PSMC3: variants seen among roughly 807,000 people sequenced by gnomAD.
PSMC3 encodes the protein 26S proteasome regulatory subunit 6A.
In PSMC3, 11 loss-of-function variants were observed where a neutral mutation model predicts 52.0. The observed-to-expected ratio is 0.21, with a 90% CI of 0.13 to 0.35. The LOEUF is 0.35. Ranked by LOEUF, PSMC3 falls within the 10% of genes least tolerant of loss-of-function variation. The pLI, the probability that PSMC3 is intolerant of heterozygous loss-of-function variation, is 1.00. For synonymous variants in PSMC3, 201 were observed against 218.8 expected (o/e 0.92, Z 0.72); for missense variants, 238 against 567.1 (o/e 0.42, Z 5.89).
rs1446010432 is a variant in PSMC3 at position 47,420,790 on chromosome 11, C to T, written c.885-63G>A. ...AGCTTAGGCAGAGCCCTCCCCTCCT[C>T]TACCCCCTGGAAGCCTAACCTAACC... On this transcript the variant is annotated intron_variant, in intron 8 of 11. Transcript: ENST00000298852. 2.7e-6 allele frequency: 4 copies of T among 1,461,490 alleles called. No individual in the cohort carries two copies. The Admixed American group carries it at 5.9e-5, about 22-fold the overall frequency. 90.5% of individuals were successfully genotyped at this position (1,461,490 alleles called of 1,614,324 possible).
At chr11:47,420,107 G>A (rs966418998) in intron 10 of PSMC3, among the ~76,000 whole-genome samples, 157 bp downstream of exon 10, 1 of 152,176 alleles carries the variant, frequency 6.6e-6, no homozygotes, top group Non-Finnish European at 1.5e-5. Flanking sequence ...CACAACTGAG[G>A]AGAAACGGAG....
At position 47,419,108 on chromosome 11, in the gene PSMC3, C is replaced by T; in HGVS notation, c.1209+8G>A. On this transcript the variant is annotated splice_region_variant and intron_variant, in intron 11 of 11. Transcript: ENST00000298852. ...AAAGCAACGCACCCACCCCAGCTGA[C>T]CACTCACCGCCTCCACACACACAGC... 1 of 1,614,146 alleles carries T rather than the reference C, an allele frequency of 6.2e-7. No individual in the cohort carries two copies. The highest frequency in any genetic ancestry group is 8.5e-7 in the Non-Finnish European group (1 of 1,180,004).
At chr11:47,420,586 G>T in intron 9 of PSMC3, 45 bp downstream of exon 9, 1 of 1,534,674 alleles carries the variant, frequency 6.5e-7, no homozygotes, top group South Asian at 1.2e-5. Context: ...GACAGCTCCT[G>T]ACCTCTGAGC....
chr11:47,421,470 G>A (rs1334400543), intron 8 of PSMC3, among the ~76,000 whole-genome samples: 2 of 152,032 alleles, frequency 1.3e-5, no homozygotes, highest in Non-Finnish European at 2.9e-5. Flanking sequence ...CAACCAACCA[G>A]TGGAGAACAG....
intron 9 of PSMC3, 29 bp from the exon 10 acceptor site, chr11:47,420,438 G>C: frequency 6.2e-7 from 1 of 1,600,862 alleles, no homozygotes; most frequent in Non-Finnish European, 8.5e-7. Context: ...AACTTGAAAG[G>C]AGCAAGGTGT....
Position 47,424,633 on chromosome 11 carries a change from C to T in PSMC3, c.364G>A (p.Ala122Thr). The T allele has an allele frequency of 6.2e-7, 1 of 1,613,826 alleles. No homozygotes were observed. Among genetic ancestry groups the T allele is most frequent in the Non-Finnish European group, 8.5e-7 (1 of 1,179,716 alleles). The change falls in exon 4 of 12, where the codon GCT becomes ACT. Residue 122 changes from alanine to threonine, a missense_variant. By Grantham distance (58) the Ala-to-Thr change is moderately conservative. This residue lies in a region of PSMC3 where 21 missense variants were observed against 95.6 expected (regional missense o/e 0.22). Coordinates refer to ENST00000298852, the MANE Select transcript of PSMC3 (RefSeq NM_002804.5). The surrounding 1 kb of genome is among the most constrained non-coding windows in gnomAD (Gnocchi z 4.8). Reference protein sequence around the residue: ...DLDSQRKGKCAVIKTSTRQTY... With the variant: ...DLDSQRKGKCTVIKTSTRQTY... ...TGTCGTGTAGAGGTTTTGATCACAG[C>T]ACACTTGCCCTTCCTCTGGGAGTCC...
Position 47,418,775 on chromosome 11 carries a change from G to C in PSMC3, c.*60C>G. 3.4e-6 allele frequency: 5 copies of C among 1,472,922 alleles called. No individual in the cohort carries two copies. The highest frequency in any genetic ancestry group is 4.7e-6 in the Non-Finnish European group (5 of 1,060,260). 91.2% of individuals were successfully genotyped at this position (1,472,922 alleles called of 1,614,324 possible). On this transcript the variant is annotated 3_prime_UTR_variant, in exon 12 of 12. Transcript: ENST00000298852. ...GGGAAGGCAGACAAGCAGCGGCAGG[G>C]ACCCTAAACCATCTTTTATTGCGCA...
rs141858165 is a variant in PSMC3, at chr11:47,425,217, G to A, written c.189C>T (p.Thr63=). The change falls in exon 3 of 12, where the codon ACC becomes ACT. Residue 63 remains threonine, a synonymous_variant. Coordinates refer to ENST00000298852, the MANE Select transcript of PSMC3 (RefSeq NM_002804.5). Reference sequence around the variant, plus strand: ...TGTCCTTCATGGCTTGGAGCTCATGGGTGACTCTCAACACTTCACTCTTCA... The same window carrying A: ...TGTCCTTCATGGCTTGGAGCTCATGAGTGACTCTCAACACTTCACTCTTCA... ...KIMKSEVLRV[T]HELQAMKDKI... is the part of the protein sequence containing the mutation. 3.3e-5 allele frequency: 54 copies of A among 1,613,928 alleles called. No individual in the cohort carries two copies. Among genetic ancestry groups the A allele is most frequent in the Non-Finnish European group, 4.3e-5 (51 of 1,179,972 alleles).
rs80084197 is a variant in PSMC3 at position 47,425,412 on chromosome 11, G to A, written c.160-166C>T. The A allele has an allele frequency of 8.0e-3, 6,532 of 813,006 alleles. 315 individuals carry two copies. In the African/African-American group the frequency reaches 0.1, roughly 12 times the overall value. The allele number at this position is 813,006 out of a possible 1,614,324, so 50.4% of individuals were successfully genotyped here. A position where few individuals can be genotyped will look rare whatever the true frequency, so the allele number is the denominator to read the frequency against. Reference sequence around the variant, plus strand: ...CTGACTGTGTCCACATCCTGCAGAAGTCAAAAGAGGAGGCCAGTTTGGAAA... The same window carrying A: ...CTGACTGTGTCCACATCCTGCAGAAATCAAAAGAGGAGGCCAGTTTGGAAA... On this transcript the variant is annotated intron_variant, in intron 2 of 11. Transcript: ENST00000298852.
intron 8 of PSMC3, 141 bp from the exon 9 acceptor site, chr11:47,420,868 T>C (rs2096039679): frequency 3.1e-6 from 2 of 651,452 alleles, no homozygotes; most frequent in Non-Finnish European, 5.4e-6. Flanking sequence ...GCCCAGGGAC[T>C]GGCACATAAA....
rs764877576 is a variant in PSMC3, at chr11:47,418,809, G to A, written c.*26C>T. ...CCATCTTTTATTGCGCACTTCAGCC[G>A]TGAGACTGGGGCTGGCCTGTGTGCC... On this transcript the variant is annotated 3_prime_UTR_variant, in exon 12 of 12. Coordinates refer to ENST00000298852, the MANE Select transcript of PSMC3 (RefSeq NM_002804.5). The A allele has an allele frequency of 1.8e-5, 28 of 1,593,260 alleles. No homozygotes were observed. Among genetic ancestry groups the A allele is most frequent in the Admixed American group, 5.0e-5 (3 of 59,814 alleles).
At chr11:47,421,687 CTG>C (rs3837376) in intron 8 of PSMC3, among the ~76,000 whole-genome samples, 97,354 of 149,874 alleles carry the variant, frequency 0.65, 31,631 homozygotes, top group East Asian at 0.71. Context: ...GAGGCTCACT[CTG>C]TCATCCAGGC....
intron 2 of PSMC3, chr11:47,425,524 G>C (rs1239566538): frequency 5.3e-6 from 3 of 562,086 alleles, no homozygotes; most frequent in Non-Finnish European, 9.5e-6. Flanking sequence ...CTCATAGTAA[G>C]AACTGGGTGC....
intron 10 of PSMC3, among the ~76,000 whole-genome samples, chr11:47,419,450 C>A (rs966021591): frequency 6.6e-6 from 1 of 152,180 alleles, no homozygotes; most frequent in African/African-American, 2.4e-5. Context: ...GCATCTGGGA[C>A]TCCAGGGACT....
At chr11:47,426,116 C>T (rs772369014) in intron 1 of PSMC3, 89 bp downstream of exon 1, 2 of 1,476,936 alleles carry the variant, frequency 1.4e-6, no homozygotes, top group African/African-American at 1.4e-5. Context: ...TCGGGCCAGA[C>T]CTTGACCCCC....
chr11:47,420,526 G>C, intron 9 of PSMC3, 105 bp downstream of exon 9: 1 of 1,514,600 alleles, frequency 6.6e-7, no homozygotes, highest in Middle Eastern at 1.7e-4. Flanking sequence ...GGATGTTAAA[G>C]ACAGATCCCA....
At chr11:47,420,188 C>G in intron 10 of PSMC3, 76 bp downstream of exon 10, 1 of 1,550,488 alleles carries the variant, frequency 6.4e-7, no homozygotes, top group South Asian at 1.1e-5. Flanking sequence ...TGGGGAAGAT[C>G]AGTACAGAGA....
In PSMC3 at chr11:47,425,891, T is replaced by G; in HGVS notation, c.135A>C (p.Thr45=). 6.2e-7 allele frequency: 1 copy of G among 1,614,086 alleles called. No individual in the cohort carries two copies. The highest frequency in any genetic ancestry group is 1.3e-5 in the African/African-American group (1 of 75,066). ...KMSTEEIIQR[T]RLLDSEIKIM... is the part of the protein sequence containing the mutation. ...CCTTGATCTCACTGTCCAGCAGCCG[T>G]GTGCGCTGGATGATCTCCTCCGTGG... Residue 45 remains threonine (T), a synonymous_variant, in exon 2 of 12, where the codon ACA becomes ACC. Transcript: ENST00000298852.
chr11:47,419,240 A>C (rs765915180), intron 10 of PSMC3, 43 bp from the exon 11 acceptor site: 69 of 1,606,998 alleles, frequency 4.3e-5, no homozygotes, highest in African/African-American at 6.7e-5. Flanking sequence ...GCTTATGCGG[A>C]ATGGGCAGAG....
Sources: gnomAD v4.1 joint callset for allele counts (sites outside exome capture counted in the v4.1 genomes callset) on GRCh38, gnomAD v4.1.1 for gene constraint, gnomAD v4.1.1 regional missense constraint, Gnocchi (gnomAD v3.1) non-coding constraint, MANE v1.5 for transcripts, NCBI Gene and HGNC (gene_info 2026-07-23, HGNC 2026-07-21) for gene names.